Variants in DST observed in about 807,000 individuals in gnomAD.
DST encodes the protein bullous pemphigoid antigen.
DST carries 253 observed loss-of-function variants against 875.2 expected under a neutral mutation model. That is an observed-to-expected ratio of 0.29 (90% CI 0.26 to 0.32). The LOEUF (loss-of-function observed/expected upper bound fraction) is 0.32, where lower values mean the gene tolerates loss of function less well. Ranked by LOEUF, DST falls within the 10% of genes least tolerant of loss-of-function variation. The pLI is 1.00. For missense variants in DST, 8,287 were observed against 9,111.6 expected (o/e 0.91, Z 3.68); for synonymous variants, 3,124 against 3,197.1 (o/e 0.98, Z 0.77).
At chr6:56,459,987 T>G (rs1037417434) in intron 103 of DST, 144 bp downstream of exon 103, 13 of 989,566 alleles carry the variant, frequency 1.3e-5, no homozygotes, top group Non-Finnish European at 5.7e-6. Context: ...ATCCCCAACT[T>G]TTGGAGGACT....
chr6:56,459,143 T>G lies in DST; in HGVS notation c.23319A>C (p.Ser7773=). ...FDISEIQSVC[S]DVETVPQTHR... ...GTGTCTGGGGGACAGTTTCCACATC[T>G]GAGCACACGGACTGGATTTCTGAAA... The change falls in exon 104 of 104, where the codon TCA becomes TCC. Residue 7773 remains serine (S), a synonymous_variant. Coordinates refer to ENST00000680361, the MANE Select transcript of DST (RefSeq NM_001374736.1). 6.2e-7 allele frequency: 1 copy of G among 1,613,994 alleles called. No homozygotes were observed. Among genetic ancestry groups the G allele is most frequent in the Non-Finnish European group, 8.5e-7 (1 of 1,179,890 alleles).
At chr6:56,769,930 G>A (rs1405735722) in intron 4 of DST, among the ~76,000 whole-genome samples, 4 of 152,302 alleles carry the variant, frequency 2.6e-5, no homozygotes, top group Admixed American at 6.5e-5. Flanking sequence ...TAACACATAC[G>A]AAAAGGATAC....
intron 2 of DST, among the ~76,000 whole-genome samples, chr6:56,913,175 T>TTAATTCTTTACAGCTACA (rs1799478577): frequency 1.3e-5 from 2 of 152,222 alleles, no homozygotes; most frequent in South Asian, 4.1e-4. Context: ...TCAACTCTCT[T>TTAATTCTTTACAGCTACA]TAATTCTTTA....
intron 4 of DST, among the ~76,000 whole-genome samples, chr6:56,791,988 C>T (rs1236564093): frequency 6.6e-6 from 1 of 151,866 alleles, no homozygotes; most frequent in Non-Finnish European, 1.5e-5. Flanking sequence ...AGGGAAAGCA[C>T]AAAGTGAGCC....
At chr6:56,776,622 A>C (rs1159397832) in intron 4 of DST, among the ~76,000 whole-genome samples, 1 of 152,210 alleles carries the variant, frequency 6.6e-6, no homozygotes, top group Non-Finnish European at 1.5e-5. Flanking sequence ...AATCTAAAGT[A>C]TTCTAAAATT....
intron 4 of DST, among the ~76,000 whole-genome samples, chr6:56,834,830 C>T (rs1429073329): frequency 6.6e-6 from 1 of 152,138 alleles, no homozygotes; most frequent in Non-Finnish European, 1.5e-5. Context: ...ACGTACCATA[C>T]AATCTAGCAA....
chr6:56,657,806 T>A (rs911609513), intron 10 of DST, among the ~76,000 whole-genome samples: 2 of 152,170 alleles, frequency 1.3e-5, no homozygotes, highest in African/African-American at 4.8e-5. Flanking sequence ...CACTCTGTCA[T>A]CCACCCTGGA....
At chr6:56,697,944 C>A (rs370902240) in intron 9 of DST, among the ~76,000 whole-genome samples, 2 of 152,172 alleles carry the variant, frequency 1.3e-5, no homozygotes, top group South Asian at 2.1e-4. Context: ...TCTGGTTCTG[C>A]GCTTCATGCC....
intron 49 of DST, among the ~76,000 whole-genome samples, chr6:56,583,112 G>A (rs2098057468): frequency 6.6e-6 from 1 of 152,226 alleles, no homozygotes; most frequent in African/African-American, 2.4e-5. Context: ...TATATACCCA[G>A]TAATGGGATG....
intron 82 of DST, among the ~76,000 whole-genome samples, chr6:56,496,220 T>C (rs1320711003): frequency 6.6e-6 from 1 of 152,170 alleles, no homozygotes; most frequent in Non-Finnish European, 1.5e-5. Context: ...ATTTAAAATG[T>C]CAATAAATCC....
intron 3 of DST, chr6:56,871,752 C>T: frequency 9.0e-6 from 3 of 332,536 alleles, no homozygotes; most frequent in Middle Eastern, 1.0e-3. Context: ...GTAAATTCAG[C>T]GTTAAAATAA....
In DST at chr6:56,524,166, G is replaced by A. The variant is rs963906379; in HGVS notation, c.18129+2195C>T. On this transcript the variant is annotated intron_variant, in intron 69 of 103. Coordinates refer to ENST00000680361, the MANE Select transcript of DST (RefSeq NM_001374736.1). ...AGGCAACCTTATAAAATATTTCAGGGATATATTAGCTTCTTTATAAACTTG... is the reference window on the plus strand; with the variant it reads ...AGGCAACCTTATAAAATATTTCAGGAATATATTAGCTTCTTTATAAACTTG... Among the ~76,000 whole-genome samples, 11 of 151,948 alleles carry A rather than the reference G, an allele frequency of 7.2e-5. No individual in the cohort carries two copies. The South Asian group carries it at 1.5e-3, about 20-fold the overall frequency.
At chr6:56,520,852 G>A (rs1268641315) in intron 69 of DST, among the ~76,000 whole-genome samples, 2 of 151,972 alleles carry the variant, frequency 1.3e-5, no homozygotes, top group African/African-American at 4.8e-5. Context: ...GGTAGAATGT[G>A]CTAATGTACA....
chr6:56,872,832 C>CGCT (rs5876523), intron 3 of DST, among the ~76,000 whole-genome samples: 1 of 127,860 alleles, frequency 7.8e-6, no homozygotes, highest in Non-Finnish European at 1.6e-5. Flanking sequence ...TCCCCCCCCC[C>CGCT]TTTTTTTTTT....
chr6:56,588,975 C>T (rs1044619509), intron 49 of DST, among the ~76,000 whole-genome samples: 12 of 152,196 alleles, frequency 7.9e-5, no homozygotes, highest in Non-Finnish European at 1.5e-4. Context: ...TGTGACCACA[C>T]TGAATCTAGA....
At chr6:56,493,411 A>T (rs548384546) in intron 83 of DST, among the ~76,000 whole-genome samples, 1 of 152,152 alleles carries the variant, frequency 6.6e-6, no homozygotes, top group Non-Finnish European at 1.5e-5. Context: ...TCATACAATT[A>T]ATTTGGGGAC....
intron 102 of DST, chr6:56,461,832 T>C (rs965966928): frequency 6.6e-6 from 1 of 152,234 alleles, no homozygotes; most frequent in African/African-American, 2.4e-5. Context: ...AGAGGTAATA[T>C]ATAATACTAA....
At chr6:56,875,316 C>G (rs1405162270) in intron 3 of DST, among the ~76,000 whole-genome samples, 1 of 152,168 alleles carries the variant, frequency 6.6e-6, no homozygotes, top group East Asian at 1.9e-4. Flanking sequence ...TCACAGGGCC[C>G]TGAGCCACTC....
chr6:56,712,224 C>G (rs1365421433), intron 5 of DST, among the ~76,000 whole-genome samples: 1 of 152,014 alleles, frequency 6.6e-6, no homozygotes, highest in African/African-American at 2.4e-5. Flanking sequence ...TAGCTCATTA[C>G]TTATATAAAT....
Sources: gnomAD v4.1 joint callset for allele counts (sites outside exome capture counted in the v4.1 genomes callset) on GRCh38, gnomAD v4.1.1 for gene constraint, MANE v1.5 for transcripts, NCBI Gene and HGNC (gene_info 2026-07-23, HGNC 2026-07-21) for gene names.